ACOXL: variants seen among roughly 807,000 people sequenced by gnomAD.
ACOXL encodes the protein acyl-coenzyme A oxidase-like protein.
ACOXL carries 70 observed loss-of-function variants against 71.9 expected under a neutral mutation model. The ratio of observed to expected loss-of-function variants is 0.97; its 90% CI spans 0.80 to 1.19. The LOEUF (loss-of-function observed/expected upper bound fraction) is 1.19. Ranked by LOEUF, ACOXL falls within the 50% of genes most tolerant of loss-of-function variation. ACOXL has a pLI of 0.00. For missense variants in ACOXL, 703 were observed against 736.3 expected (o/e 0.95, Z 0.52); for synonymous variants, 253 against 281.6 (o/e 0.90, Z 1.02).
chr2:110,956,633 C>T (rs1450319849), intron 12 of ACOXL, among the ~76,000 whole-genome samples: 1 of 152,164 alleles, frequency 6.6e-6, no homozygotes, highest in Non-Finnish European at 1.5e-5. Context: ...CCCGAAGACA[C>T]GGTGCCTCCT....
At chr2:111,042,372 G>A (rs1012345177) in intron 15 of ACOXL, among the ~76,000 whole-genome samples, 1 of 152,240 alleles carries the variant, frequency 6.6e-6, no homozygotes, top group Admixed American at 6.5e-5. Context: ...ACACACACAT[G>A]GAGCAGGAGA....
intron 9 of ACOXL, among the ~76,000 whole-genome samples, chr2:110,834,249 G>T (rs1378146559): frequency 6.6e-6 from 1 of 152,176 alleles, no homozygotes; most frequent in Admixed American, 6.5e-5. Context: ...GAATGTTCCA[G>T]AGTGTGAGGT....
rs116433368 is a variant in ACOXL, at chr2:110,857,704, T to A, written c.788+16299T>A. On this transcript the variant is annotated intron_variant, in intron 10 of 17. Coordinates refer to ENST00000439055, the MANE Select transcript of ACOXL (RefSeq NM_001142807.4). ...AGTATTTTATTTATTTATTTATTTT[T>A]AACATAGTTTTTGTTGATTAATTGA... Among the ~76,000 whole-genome samples the A allele has an allele frequency of 3.9e-3, 600 of 152,278 alleles. 3 individuals carry two copies. The highest frequency in any genetic ancestry group is 0.013 in the African/African-American group (552 of 41,548).
intron 9 of ACOXL, among the ~76,000 whole-genome samples, chr2:110,816,121 A>T (rs1401261496): frequency 1.3e-5 from 2 of 152,048 alleles, no homozygotes; most frequent in African/African-American, 2.4e-5. Flanking sequence ...GGGTGGGTGG[A>T]TGGATGAATG....
At chr2:110,975,415 AGTGT>A (rs3059265) in intron 12 of ACOXL, among the ~76,000 whole-genome samples, 12 of 150,290 alleles carry the variant, frequency 8.0e-5, no homozygotes, top group African/African-American at 2.7e-4. Context: ...TGTTTGTGTG[AGTGT>A]GTGTGTGTGT....
intron 10 of ACOXL, chr2:110,886,933 C>A: frequency 2.0e-6 from 3 of 1,495,644 alleles, no homozygotes; most frequent in South Asian, 1.2e-5. Context: ...TGGGTTTTCC[C>A]GTGGCAGATC....
chr2:110,791,852 C>G (rs1237183410), intron 3 of ACOXL, among the ~76,000 whole-genome samples: 1 of 152,180 alleles, frequency 6.6e-6, no homozygotes, highest in Non-Finnish European at 1.5e-5. Context: ...CTAAACTTGC[C>G]TAAGCAAAAA....
In ACOXL at chr2:111,117,914, C is replaced by A; in HGVS notation, c.*98C>A. On this transcript the variant is annotated 3_prime_UTR_variant, in exon 18 of 18. Transcript: ENST00000439055. ...GGCCGAGGCCGGGGGCTGGCACCCG[C>A]TGGGCCGCCACTCTCGGGGATTTTG... The A allele has an allele frequency of 1.5e-6, 2 of 1,350,910 alleles. No homozygotes were observed. Among genetic ancestry groups the A allele is most frequent in the Non-Finnish European group, 2.0e-6 (2 of 1,012,720 alleles). 83.7% of individuals were successfully genotyped at this position (1,350,910 alleles called of 1,614,324 possible).
chr2:110,899,838 C>T (rs1437528894), intron 10 of ACOXL, among the ~76,000 whole-genome samples: 1 of 152,064 alleles, frequency 6.6e-6, no homozygotes, highest in Non-Finnish European at 1.5e-5. Flanking sequence ...AAATTAATTT[C>T]CCTTGGGTGA....
chr2:110,736,653 T>C (rs1450499164), intron 1 of ACOXL, among the ~76,000 whole-genome samples: 1 of 148,250 alleles, frequency 6.7e-6, no homozygotes, highest in Non-Finnish European at 1.5e-5. Context: ...GGAGTCTCGC[T>C]CTGTGGCCCA....
chr2:111,089,515 T>C (rs1429296289), intron 16 of ACOXL, among the ~76,000 whole-genome samples: 3 of 152,118 alleles, frequency 2.0e-5, no homozygotes, highest in Non-Finnish European at 4.4e-5. Flanking sequence ...TGACAAAACA[T>C]GTCAGGTGAC....
At chr2:111,005,806 G>A (rs1441297429) in intron 14 of ACOXL, among the ~76,000 whole-genome samples, 1 of 152,088 alleles carries the variant, frequency 6.6e-6, no homozygotes, top group East Asian at 1.9e-4. Flanking sequence ...CAATAGCTTT[G>A]GTCAGGTGGT....
At chr2:111,065,588 G>A (rs188301388) in intron 16 of ACOXL, among the ~76,000 whole-genome samples, 1 of 152,304 alleles carries the variant, frequency 6.6e-6, no homozygotes, top group Non-Finnish European at 1.5e-5. Flanking sequence ...ACAAGCTACA[G>A]TCTGGGATAT....
intron 2 of ACOXL, among the ~76,000 whole-genome samples, chr2:110,770,382 C>T (rs1186849936): frequency 6.6e-6 from 1 of 152,194 alleles, no homozygotes; most frequent in Non-Finnish European, 1.5e-5. Context: ...GAGACAAGGA[C>T]CAATCCTGGA....
At chr2:110,744,188 G>A (rs1006319238) in intron 1 of ACOXL, among the ~76,000 whole-genome samples, 1 of 151,968 alleles carries the variant, frequency 6.6e-6, no homozygotes, top group Non-Finnish European at 1.5e-5. Flanking sequence ...ACTATTCAGC[G>A]AAGTGCATTA....
In ACOXL at chr2:110,908,790, C is replaced by A. The variant is rs61730481; in HGVS notation, c.790C>A (p.Arg264=). 2 of 1,613,128 alleles carry A rather than the reference C, an allele frequency of 1.2e-6. No homozygotes were observed. Among genetic ancestry groups the A allele is most frequent in the Non-Finnish European group, 1.7e-6 (2 of 1,179,354 alleles). ...LTIAIRYSHS[R]RQFGPKTKEE... is the part of the protein sequence containing the mutation. The stretch of plus-strand genomic sequence containing the variant: ...ATCGTGTCTGTTGATTCCCTCTAGC[C>A]GGAGGCAGTTTGGGCCCAAAACCAA... The change falls in exon 11 of 18, where the codon CGG becomes AGG. Residue 264 remains arginine, a splice_region_variant and synonymous_variant. Transcript: ENST00000439055.
chr2:110,773,187 CTA>C (rs1682186420), intron 2 of ACOXL, among the ~76,000 whole-genome samples: 1 of 152,006 alleles, frequency 6.6e-6, no homozygotes, highest in Non-Finnish European at 1.5e-5. Flanking sequence ...TATATTATGA[CTA>C]TTATTTTTAT....
intron 1 of ACOXL, among the ~76,000 whole-genome samples, chr2:110,752,623 A>C (rs145143095): frequency 1.3e-5 from 2 of 151,644 alleles, no homozygotes; most frequent in African/African-American, 2.4e-5. Flanking sequence ...TTACTTTGCG[A>C]TAATTCACTG....
At chr2:110,930,879 C>T (rs1370124316) in intron 11 of ACOXL, among the ~76,000 whole-genome samples, 1 of 152,184 alleles carries the variant, frequency 6.6e-6, no homozygotes, top group Non-Finnish European at 1.5e-5. Flanking sequence ...AACTGTGTGT[C>T]CATTAAACCT....
Sources: gnomAD v4.1 joint callset for allele counts (sites outside exome capture counted in the v4.1 genomes callset) on GRCh38, gnomAD v4.1.1 for gene constraint, MANE v1.5 for transcripts, NCBI Gene and HGNC (gene_info 2026-07-23, HGNC 2026-07-21) for gene names.